The following PDE3B variants were observed in gnomAD, a reference collection of about 807,000 sequenced individuals.
PDE3B encodes the protein phosphodiesterase 3B.
Under a neutral mutation model 116.8 loss-of-function variants are expected in PDE3B, and 66 were observed. That is an observed-to-expected ratio of 0.56 (90% CI 0.46 to 0.69). The LOEUF is 0.69. PDE3B is among the 30% of genes least tolerant of loss of function. PDE3B has a pLI of 0.00. For missense variants in PDE3B, 1,384 were observed against 1,368.1 expected, an observed-to-expected ratio of 1.01 and a Z score of -0.18; for synonymous variants, 595 against 533.6, an observed-to-expected ratio of 1.12 and a Z score of -1.59.
At chr11:14,852,587 A>T (rs1847775063) in intron 12 of PDE3B, among the ~76,000 whole-genome samples, 1 of 152,246 alleles carries the variant, frequency 6.6e-6, no homozygotes, top group Non-Finnish European at 1.5e-5. Context: ...ATTGTTACGA[A>T]TTGCCATTAG....
chr11:14,691,578 A>G (rs1344241255), intron 1 of PDE3B, among the ~76,000 whole-genome samples: 1 of 152,166 alleles, frequency 6.6e-6, no homozygotes, highest in African/African-American at 2.4e-5. Flanking sequence ...CATTTAACTC[A>G]TCAAAATGTA....
intron 1 of PDE3B, among the ~76,000 whole-genome samples, chr11:14,725,383 C>A (rs926274251): frequency 1.1e-4 from 16 of 146,660 alleles, no homozygotes; most frequent in African/African-American, 2.3e-4. Context: ...TTTCTTCCTT[C>A]CTTCCTTCCT....
intron 1 of PDE3B, among the ~76,000 whole-genome samples, chr11:14,737,227 T>A (rs1362862997): frequency 6.7e-6 from 1 of 149,054 alleles, no homozygotes; most frequent in East Asian, 2.0e-4. Context: ...GGAATCTCGC[T>A]CTTTCACCCA....
chr11:14,694,468 A>G (rs758069025), intron 1 of PDE3B, among the ~76,000 whole-genome samples: 5 of 152,218 alleles, frequency 3.3e-5, no homozygotes, highest in Non-Finnish European at 5.9e-5. Context: ...AGCAGCCATC[A>G]GTATTGAGGC....
intron 12 of PDE3B, among the ~76,000 whole-genome samples, chr11:14,857,267 T>A (rs1162863982): frequency 1.3e-5 from 2 of 152,240 alleles, no homozygotes; most frequent in Middle Eastern, 3.2e-3. Flanking sequence ...GCTGGGACCC[T>A]GTCTTTTTTC....
At chr11:14,892,010 T>A in the PDE3B span, 1 of 1,613,436 alleles carries the variant, frequency 6.2e-7, no homozygotes, top group East Asian at 2.2e-5. Context: ...TGCTTTCTCA[T>A]GTAGACATGG....
chr11:14,807,920 C>T (rs1399758902), intron 5 of PDE3B, among the ~76,000 whole-genome samples: 2 of 151,892 alleles, frequency 1.3e-5, no homozygotes, highest in South Asian at 2.1e-4. Flanking sequence ...ATTAACCAGA[C>T]GTGGTGGTGG....
chr11:14,845,393 A>C (rs1027277232), intron 12 of PDE3B, among the ~76,000 whole-genome samples: 4 of 152,150 alleles, frequency 2.6e-5, no homozygotes, highest in African/African-American at 7.2e-5. Context: ...TGGGGAAAAA[A>C]CAGAGCAGAA....
chr11:14,679,599 C>T (rs781115623), intron 1 of PDE3B, among the ~76,000 whole-genome samples: 58 of 152,026 alleles, frequency 3.8e-4, no homozygotes, highest in Middle Eastern at 3.4e-3. Context: ...TGGTGGGCAG[C>T]GCCTAAACAC....
chr11:14,738,471 T>C lies in PDE3B; in HGVS notation c.979-33466T>C, dbSNP rs1464792902. 2.0e-5 allele frequency among the ~76,000 whole-genome samples: 3 copies of C among 152,240 alleles called. 1 individual carries two copies. Among genetic ancestry groups the C allele is most frequent in the East Asian group, 3.8e-4 (2 of 5,200 alleles). On this transcript the variant is annotated intron_variant, in intron 1 of 15. Coordinates refer to ENST00000282096, the MANE Select transcript of PDE3B (RefSeq NM_000922.4). ...GCCCACTTTTTGATGGGTTGTTTTT[T>C]CTTGTAAATTTGTTTAAGTTCTTTG... is the stretch of plus-strand genomic sequence containing the variant.
intron 1 of PDE3B, among the ~76,000 whole-genome samples, chr11:14,667,615 A>G (rs1315102405): frequency 1.3e-5 from 2 of 150,660 alleles, no homozygotes; most frequent in Non-Finnish European, 3.0e-5. Context: ...GCATGTTCTC[A>G]CTGATAGGTG....
intron 1 of PDE3B, chr11:14,673,690 T>A (rs1854443314): frequency 1.4e-6 from 1 of 737,402 alleles, no homozygotes; most frequent in Non-Finnish European, 2.6e-6. Context: ...TGAAGATAAT[T>A]CAGTAATTAA....
chr11:14,824,005 G>C (rs1859605971), intron 7 of PDE3B, among the ~76,000 whole-genome samples: 1 of 152,150 alleles, frequency 6.6e-6, no homozygotes, highest in Non-Finnish European at 1.5e-5. Flanking sequence ...TGGAGAATCT[G>C]TGGGGACCAG....
At chr11:14,741,913 T>C (rs1333927212) in intron 1 of PDE3B, among the ~76,000 whole-genome samples, 1 of 152,178 alleles carries the variant, frequency 6.6e-6, no homozygotes, top group Non-Finnish European at 1.5e-5. Flanking sequence ...TGTTGAATAT[T>C]GGCCCCTACT....
intron 1 of PDE3B, among the ~76,000 whole-genome samples, chr11:14,711,233 A>G (rs1855692526): frequency 6.6e-6 from 1 of 152,236 alleles, no homozygotes; most frequent in Admixed American, 6.5e-5. Context: ...TAAAAGGGAT[A>G]AAATTACATT....
At chr11:14,820,680 T>A (rs887687465) in intron 7 of PDE3B, among the ~76,000 whole-genome samples, 3 of 152,138 alleles carry the variant, frequency 2.0e-5, no homozygotes, top group Non-Finnish European at 2.9e-5. Flanking sequence ...AATTAGGTCA[T>A]GAAGGTGGAT....
At position 14,684,240 on chromosome 11, in the gene PDE3B, G is replaced by A. The variant is rs541702826; in HGVS notation, c.978+39187G>A. Among the ~76,000 whole-genome samples, 34 of 152,188 alleles carry A rather than the reference G, an allele frequency of 2.2e-4. No homozygotes were observed. In the South Asian group the frequency reaches 4.6e-3, roughly 20 times the overall value. On this transcript the variant is annotated intron_variant, in intron 1 of 15. Transcript: ENST00000282096. ...GTTCTTTATATTTTCTGTAAGTGTC[G>A]GCCAGTTGAGAAATAAAGAGAAAGT...
At chr11:14,835,894 A>G (rs934324532) in intron 11 of PDE3B, among the ~76,000 whole-genome samples, 3 of 152,214 alleles carry the variant, frequency 2.0e-5, no homozygotes, top group Non-Finnish European at 4.4e-5. Context: ...CAGGAGTTCA[A>G]GGCTGCAGTG....
intron 5 of PDE3B, among the ~76,000 whole-genome samples, chr11:14,813,555 A>G (rs1859220702): frequency 6.6e-6 from 1 of 152,202 alleles, no homozygotes; most frequent in South Asian, 2.1e-4. Flanking sequence ...ATTGAGCACA[A>G]CTACATAATC....
Sources: allele counts gnomAD v4.1 joint callset (sites outside exome capture counted in the v4.1 genomes callset), GRCh38; gene constraint gnomAD v4.1.1; transcripts MANE v1.5; gene names NCBI Gene and HGNC (gene_info 2026-07-23, HGNC 2026-07-21).